The following CLTCL1 variants were observed in gnomAD, a reference collection of about 807,000 sequenced individuals.
CLTCL1 encodes the protein clathrin heavy chain like 1.
A neutral mutation model predicts 190.0 loss-of-function variants in CLTCL1; 159 were observed. The ratio of observed to expected loss-of-function variants is 0.84; its 90% CI spans 0.74 to 0.95. The LOEUF is 0.95. Ranked by LOEUF, CLTCL1 falls within the 40% of genes least tolerant of loss-of-function variation. CLTCL1 has a pLI of 0.00. For missense variants in CLTCL1, 1,878 were observed against 2,033.4 expected (o/e 0.92, Z 1.47); for synonymous variants, 752 against 769.6 (o/e 0.98, Z 0.38).
chr22:19,208,056 G>C (rs2085105371), intron 22 of CLTCL1, 98 bp downstream of exon 22: 1 of 1,466,618 alleles, frequency 6.8e-7, no homozygotes, highest in Non-Finnish European at 9.4e-7. Context: ...GATGAAACCA[G>C]TCCCTGGTGC....
intron 17 of CLTCL1, among the ~76,000 whole-genome samples, chr22:19,221,012 C>T (rs1415290077): frequency 1.3e-5 from 2 of 152,086 alleles, no homozygotes; most frequent in African/African-American, 4.8e-5. Context: ...AATTGCAGGC[C>T]TCTCCAGGTG....
intron 21 of CLTCL1, 145 bp from the exon 22 acceptor site, chr22:19,208,456 G>C: frequency 1.0e-6 from 1 of 962,572 alleles, no homozygotes; most frequent in Non-Finnish European, 1.5e-6. Flanking sequence ...ACGTCTAGGA[G>C]GTCTTGATTA....
chr22:19,251,703 G>A (rs919190399), intron 3 of CLTCL1, among the ~76,000 whole-genome samples: 20 of 152,120 alleles, frequency 1.3e-4, no homozygotes, highest in African/African-American at 3.9e-4. Flanking sequence ...TGATCCGCCC[G>A]CCTTGGCCTC....
At chr22:19,196,150 A>G in intron 26 of CLTCL1, 116 bp downstream of exon 26, 1 of 1,043,822 alleles carries the variant, frequency 9.6e-7, no homozygotes, top group Non-Finnish European at 1.4e-6. Context: ...AAGTGAACGC[A>G]CACACAGCAT....
chr22:19,253,733 C>T (rs1488392755), intron 3 of CLTCL1, among the ~76,000 whole-genome samples: 1 of 151,282 alleles, frequency 6.6e-6, no homozygotes, highest in Non-Finnish European at 1.5e-5. Flanking sequence ...CAGGGTCTTG[C>T]TCTGTTGCCC....
intron 27 of CLTCL1, among the ~76,000 whole-genome samples, chr22:19,189,911 T>C (rs2084434106): frequency 6.6e-6 from 1 of 152,192 alleles, no homozygotes; most frequent in South Asian, 2.1e-4. Context: ...GTTGGGAACA[T>C]TTCAAATCTT....
chr22:19,195,836 G>C (rs1356554956), intron 26 of CLTCL1, among the ~76,000 whole-genome samples: 2 of 152,218 alleles, frequency 1.3e-5, no homozygotes, highest in Non-Finnish European at 2.9e-5. Context: ...AAGGCCGCTG[G>C]TGCTGGGGAG....
intron 1 of CLTCL1, among the ~76,000 whole-genome samples, 180 bp from the exon 2 acceptor site, chr22:19,276,010 C>A (rs1234599587): frequency 3.3e-5 from 3 of 91,976 alleles, no homozygotes; most frequent in African/African-American, 1.3e-4. Flanking sequence ...GCCTGTGAAT[C>A]AACTCTCCTT....
intron 4 of CLTCL1, among the ~76,000 whole-genome samples, chr22:19,242,342 T>C (rs1167215318): frequency 6.6e-6 from 1 of 150,508 alleles, no homozygotes; most frequent in Non-Finnish European, 1.5e-5. Context: ...CAAGCAGGAG[T>C]GTAGTGGTGC....
rs541457832 is a variant in CLTCL1, at chr22:19,192,397, G to A, written c.4192-962C>T. ...TGTCATTTGGTGGCTTGCTGACTGT[G>A]GCATCGATGTCCAGGGCCTGGACAC... is the stretch of plus-strand genomic sequence containing the variant. On this transcript the variant is annotated intron_variant, in intron 26 of 32. Coordinates refer to ENST00000427926, the MANE Select transcript of CLTCL1 (RefSeq NM_007098.4). 7.9e-5 allele frequency among the ~76,000 whole-genome samples: 12 copies of A among 152,312 alleles called. No individual in the cohort carries two copies. The South Asian group carries it at 2.3e-3, about 29-fold the overall frequency.
intron 1 of CLTCL1, among the ~76,000 whole-genome samples, chr22:19,287,869 T>C (rs1006865773): frequency 4.6e-5 from 7 of 152,150 alleles, no homozygotes; most frequent in African/African-American, 1.7e-4. Context: ...CCTTCTTCAG[T>C]AGGCAGCTGT....
At chr22:19,253,651 T>C (rs12168068) in intron 3 of CLTCL1, among the ~76,000 whole-genome samples, 1 of 152,234 alleles carries the variant, frequency 6.6e-6, no homozygotes, top group Middle Eastern at 3.4e-3. Context: ...GATTTCTTTG[T>C]AATCTCTATT....
chr22:19,257,888 G>A, intron 2 of CLTCL1: 1 of 1,384,228 alleles, frequency 7.2e-7, no homozygotes. Context: ...AGAGACCCCA[G>A]GTCAGAGACT....
Position 19,232,975 on chromosome 22 carries a change from G to A in CLTCL1, c.1521+191C>T, listed in dbSNP as rs115768471. 5.9e-3 allele frequency among the ~76,000 whole-genome samples: 903 copies of A among 152,114 alleles called. 13 individuals carry two copies. The highest frequency in any genetic ancestry group is 0.02 in the African/African-American group (848 of 41,492). On this transcript the variant is annotated intron_variant, in intron 9 of 32. Coordinates refer to ENST00000427926, the MANE Select transcript of CLTCL1 (RefSeq NM_007098.4). ...CAAATAAAACGAAGATGGAAGGACT[G>A]GAAAACTAAGGATAATAAAAAGCTG... is the stretch of plus-strand genomic sequence containing the variant.
chr22:19,238,619 G>A (rs1441159851), intron 5 of CLTCL1: 4 of 204,064 alleles, frequency 2.0e-5, no homozygotes, highest in South Asian at 9.4e-5. Flanking sequence ...CGAACTCCTC[G>A]AAGTCTGGCT....
At position 19,239,397 on chromosome 22, in the gene CLTCL1, G is replaced by A; in HGVS notation, c.682-9C>T. On this transcript the variant is annotated splice_polypyrimidine_tract_variant and intron_variant, in intron 4 of 32. Coordinates refer to ENST00000427926, the MANE Select transcript of CLTCL1 (RefSeq NM_007098.4). Reference sequence around the variant, plus strand: ...ACTTCAATGATGTGCAACTAGAAGAGAGATTTTAGGTCAATCAAGGGGACC... The same window carrying A: ...ACTTCAATGATGTGCAACTAGAAGAAAGATTTTAGGTCAATCAAGGGGACC... The A allele has an allele frequency of 8.7e-6, 14 of 1,609,020 alleles. No individual in the cohort carries two copies. Among genetic ancestry groups the A allele is most frequent in the Non-Finnish European group, 1.2e-5 (14 of 1,175,298 alleles).
chr22:19,191,618 C>A lies in CLTCL1; in HGVS notation c.4192-183G>T, dbSNP rs547546381. 3.7e-4 allele frequency among the ~76,000 whole-genome samples: 57 copies of A among 152,340 alleles called. No individual in the cohort carries two copies. In the Middle Eastern group the frequency reaches 0.01, roughly 27 times the overall value. On this transcript the variant is annotated intron_variant, in intron 26 of 32. Transcript: ENST00000427926. The stretch of plus-strand genomic sequence containing the variant: ...GAGGTATTTTGTCCCCCAGCACTGA[C>A]ACACTGAGCATTTTTCTTAAGAGGC...
Position 19,201,353 on chromosome 22 carries a change from G to A in CLTCL1, c.3741C>T (p.Ala1247=). The change falls in exon 23 of 33, where the codon GCC becomes GCT. Residue 1247 remains alanine, a synonymous_variant. Coordinates refer to ENST00000427926, the MANE Select transcript of CLTCL1 (RefSeq NM_007098.4). ...CCTCCTTCCACGTCCGGGTGCTGCT[G>A]GCCTTGCGGCTGTTGTCCACTGCTG... is the stretch of plus-strand genomic sequence containing the variant. ...YQAAVDNSRK[A]SSTRTWKEVC... 6.2e-7 allele frequency: 1 copy of A among 1,613,018 alleles called. No homozygotes were observed. The highest frequency in any genetic ancestry group is 8.5e-7 in the Non-Finnish European group (1 of 1,179,670).
rs1292914685 is a variant in CLTCL1 at position 19,263,455 on chromosome 22, C to A, written c.251-9228G>T. ...TTTGAGATGGAGTCTCACTCTGTCA[C>A]CCAGGCTGAAGTGCAGTGGCGCAGT... On this transcript the variant is annotated intron_variant, in intron 2 of 32. Transcript: ENST00000427926. Among the ~76,000 whole-genome samples the A allele has an allele frequency of 2.0e-5, 3 of 152,074 alleles. No individual in the cohort carries two copies. The South Asian group carries it at 6.2e-4, about 31-fold the overall frequency.
Sources: gnomAD v4.1 joint callset for allele counts (sites outside exome capture counted in the v4.1 genomes callset) on GRCh38, gnomAD v4.1.1 for gene constraint, MANE v1.5 for transcripts, NCBI Gene and HGNC (gene_info 2026-07-23, HGNC 2026-07-21) for gene names.